Variants in SGCZ observed in about 807,000 individuals in gnomAD.
SGCZ encodes zeta-sarcoglycan.
Under a neutral mutation model 41.3 loss-of-function variants are expected in SGCZ, and 40 were observed. The ratio of observed to expected loss-of-function variants is 0.97; its 90% CI spans 0.75 to 1.26. SGCZ has a LOEUF of 1.26. SGCZ is among the 50% of genes most tolerant of loss of function. SGCZ has a pLI of 0.00. For synonymous variants in SGCZ, 206 were observed against 137.5 expected (o/e 1.50, Z -3.49); for missense variants, 552 against 369.8 (o/e 1.49, Z -4.04).
chr8:14,475,053 T>C (rs1008661711), intron 2 of SGCZ, among the ~76,000 whole-genome samples: 1 of 152,178 alleles, frequency 6.6e-6, no homozygotes. Context: ...ATGAGTTATT[T>C]TGTTGTTGTT....
chr8:14,689,422 G>A (rs1009489721), intron 1 of SGCZ, among the ~76,000 whole-genome samples: 1 of 152,130 alleles, frequency 6.6e-6, no homozygotes. Context: ...ACCCATAGAA[G>A]TAGGACTGTG....
intron 2 of SGCZ, among the ~76,000 whole-genome samples, chr8:14,457,509 C>A (rs188952177): frequency 2.5e-3 from 379 of 152,342 alleles, no homozygotes; most frequent in African/African-American, 7.6e-3. Context: ...TGACATCAGT[C>A]AGGCTTGCCT....
At chr8:14,401,432 C>T (rs1429125017) in intron 2 of SGCZ, among the ~76,000 whole-genome samples, 1 of 95,114 alleles carries the variant, frequency 1.1e-5, no homozygotes, top group African/African-American at 5.1e-5. Flanking sequence ...AGCTATCCCT[C>T]CCCCCTCCCC....
chr8:15,193,076 G>C (rs770323477), intron 1 of SGCZ, among the ~76,000 whole-genome samples: 3 of 152,038 alleles, frequency 2.0e-5, no homozygotes, highest in Non-Finnish European at 2.9e-5. Context: ...TGAGGGTATA[G>C]TTGTCTGGAA....
intron 3 of SGCZ, among the ~76,000 whole-genome samples, chr8:14,246,307 G>A (rs1224695772): frequency 2.6e-5 from 4 of 152,076 alleles, no homozygotes; most frequent in African/African-American, 9.7e-5. Flanking sequence ...GGACACGGAT[G>A]AAACTGGAAA....
At chr8:15,191,847 A>C (rs1265522275) in intron 1 of SGCZ, among the ~76,000 whole-genome samples, 2 of 152,038 alleles carry the variant, frequency 1.3e-5, no homozygotes, top group African/African-American at 2.4e-5. Flanking sequence ...TAAAATATTA[A>C]AGGTAAAACA....
intron 2 of SGCZ, among the ~76,000 whole-genome samples, chr8:14,452,611 G>C (rs1012598110): frequency 6.6e-6 from 1 of 152,020 alleles, no homozygotes; most frequent in African/African-American, 2.4e-5. Context: ...TATTTTGGGT[G>C]GTTATGATGT....
chr8:14,370,189 T>A (rs1163203726), intron 2 of SGCZ, among the ~76,000 whole-genome samples: 2 of 151,862 alleles, frequency 1.3e-5, no homozygotes, highest in East Asian at 3.9e-4. Context: ...AAGACTAAAT[T>A]GGTATAGCAA....
chr8:14,927,414 C>A (rs527899307), intron 1 of SGCZ, among the ~76,000 whole-genome samples: 1 of 152,052 alleles, frequency 6.6e-6, no homozygotes, highest in South Asian at 2.1e-4. Flanking sequence ...CGGCCAAGTT[C>A]CTGATTCTTA....
intron 3 of SGCZ, among the ~76,000 whole-genome samples, chr8:14,272,733 T>A (rs1403319311): frequency 6.6e-6 from 1 of 152,140 alleles, no homozygotes; most frequent in Admixed American, 6.5e-5. Flanking sequence ...TACTTGAAAA[T>A]ATTGTTCTGA....
intron 1 of SGCZ, among the ~76,000 whole-genome samples, chr8:14,640,950 T>G (rs1419887810): frequency 6.6e-6 from 1 of 151,710 alleles, no homozygotes; most frequent in Non-Finnish European, 1.5e-5. Flanking sequence ...CTCTTCTCCC[T>G]GAAGGCTATA....
At chr8:14,277,321 G>A (rs1374872783) in intron 3 of SGCZ, among the ~76,000 whole-genome samples, 1 of 150,636 alleles carries the variant, frequency 6.6e-6, no homozygotes, top group African/African-American at 2.4e-5. Context: ...TTCAGCTTTT[G>A]CAATCCTGTC....
intron 2 of SGCZ, among the ~76,000 whole-genome samples, chr8:14,477,306 A>T (rs1801389786): frequency 6.6e-6 from 1 of 152,158 alleles, no homozygotes; most frequent in Non-Finnish European, 1.5e-5. Context: ...AAACCCTTTA[A>T]AACCAACTTT....
intron 3 of SGCZ, among the ~76,000 whole-genome samples, chr8:14,318,874 T>TA (rs1163475613): frequency 2.0e-5 from 3 of 151,108 alleles, no homozygotes; most frequent in Non-Finnish European, 3.0e-5. Flanking sequence ...TCATAGACAG[T>TA]AAAAAATCGT....
chr8:14,376,746 C>G (rs1170799149), intron 2 of SGCZ, among the ~76,000 whole-genome samples: 1 of 152,118 alleles, frequency 6.6e-6, no homozygotes, highest in Non-Finnish European at 1.5e-5. Context: ...TACCAAACAA[C>G]ATTACCTACA....
intron 1 of SGCZ, among the ~76,000 whole-genome samples, chr8:15,231,773 C>T (rs1390057708): frequency 1.3e-4 from 19 of 151,832 alleles, no homozygotes; most frequent in Admixed American, 1.2e-3. Context: ...AGAAGCACAC[C>T]ACCACATTCT....
At chr8:14,395,656 A>C (rs1355002780) in intron 2 of SGCZ, among the ~76,000 whole-genome samples, 1 of 152,198 alleles carries the variant, frequency 6.6e-6, no homozygotes, top group Non-Finnish European at 1.5e-5. Flanking sequence ...TACCCTGGGA[A>C]TCAATACTCT....
At chr8:14,432,418 T>C (rs1312939485) in intron 2 of SGCZ, among the ~76,000 whole-genome samples, 1 of 152,144 alleles carries the variant, frequency 6.6e-6, no homozygotes, top group Non-Finnish European at 1.5e-5. Context: ...CTAAGTGAAG[T>C]AACTCAGGAA....
intron 1 of SGCZ, among the ~76,000 whole-genome samples, chr8:14,587,900 G>C (rs531357085): frequency 6.6e-6 from 1 of 152,102 alleles, no homozygotes; most frequent in African/African-American, 2.4e-5. Flanking sequence ...GGGCAAGCTT[G>C]TAAGAGACTC....
Sources: gnomAD v4.1 joint callset for allele counts (sites outside exome capture counted in the v4.1 genomes callset) on GRCh38, gnomAD v4.1.1 for gene constraint, MANE v1.5 for transcripts, NCBI Gene and HGNC (gene_info 2026-07-23, HGNC 2026-07-21) for gene names.